The following CACNA2D1 variants were observed in gnomAD, a reference collection of about 807,000 sequenced individuals.
CACNA2D1 encodes voltage-dependent calcium channel subunit alpha-2/delta-1.
CACNA2D1 carries 53 observed loss-of-function variants against 171.5 expected under a neutral mutation model. The ratio of observed to expected loss-of-function variants is 0.31; its 90% CI spans 0.25 to 0.39. The LOEUF (loss-of-function observed/expected upper bound fraction) is 0.39. Among genes scored for constraint, CACNA2D1 ranks in the 10% least tolerant of loss-of-function variants. The probability of loss-of-function intolerance (pLI) is 1.00; values close to 1 mark genes in which losing one functional copy is unlikely to be tolerated. For synonymous variants in CACNA2D1, 442 were observed against 443.1 expected (o/e 1.00, Z 0.03); for missense variants, 903 against 1,299.8 (o/e 0.69, Z 4.69).
intron 7 of CACNA2D1, among the ~76,000 whole-genome samples, chr7:82,083,611 C>T (rs2129009724): frequency 6.6e-6 from 1 of 152,042 alleles, no homozygotes; most frequent in South Asian, 2.1e-4. Context: ...GATAATAATA[C>T]AAATATTTAA....
chr7:82,255,302 G>C (rs987551970), intron 3 of CACNA2D1, among the ~76,000 whole-genome samples: 1 of 152,024 alleles, frequency 6.6e-6, no homozygotes, highest in African/African-American at 2.4e-5. Context: ...TTTTCCCAAT[G>C]TGAGTGCATC....
chr7:82,114,554 C>T (rs554544268), intron 6 of CACNA2D1, among the ~76,000 whole-genome samples: 1 of 151,994 alleles, frequency 6.6e-6, no homozygotes, highest in African/African-American at 2.4e-5. Flanking sequence ...ATCAGCCTGG[C>T]CAACATGGTG....
rs1324664679 is a variant in CACNA2D1 at position 82,140,954 on chromosome 7, T to TAAAAAAAAAAAAAAAAAAA, written c.355-4279_355-4278insTTTTTTTTTTTTTTTTTTT. ...TAGGCGACAGAGCAAGACTCGTCTC[T>TAAAAAAAAAAAAAAAAAAA]AAAAAAAAAAAAAAAGAAAAAAAAA... On this transcript the variant is annotated intron_variant, in intron 4 of 38. Transcript: ENST00000356860. 5.6e-4 allele frequency among the ~76,000 whole-genome samples: 51 copies of TAAAAAAAAAAAAAAAAAAA among 91,718 alleles called. 2 individuals are homozygous for TAAAAAAAAAAAAAAAAAAA. Among genetic ancestry groups the TAAAAAAAAAAAAAAAAAAA allele is most frequent in the African/African-American group, 2.0e-3 (39 of 19,558 alleles). The allele number at this position is 91,718 out of a possible 152,430, so 60.2% of individuals were successfully genotyped here.
chr7:82,127,837 C>A (rs1013548447), intron 5 of CACNA2D1, among the ~76,000 whole-genome samples: 1 of 152,148 alleles, frequency 6.6e-6, no homozygotes, highest in Non-Finnish European at 1.5e-5. Context: ...TCCAGTAAGG[C>A]CATATGTGCC....
intron 1 of CACNA2D1, among the ~76,000 whole-genome samples, chr7:82,406,993 C>A (rs1827130589): frequency 6.6e-6 from 1 of 152,226 alleles, no homozygotes; most frequent in East Asian, 1.9e-4. Context: ...ACTATCATAA[C>A]AATTAATTAC....
At chr7:82,409,822 T>A (rs1827455239) in intron 1 of CACNA2D1, among the ~76,000 whole-genome samples, 1 of 152,178 alleles carries the variant, frequency 6.6e-6, no homozygotes, top group Non-Finnish European at 1.5e-5. Flanking sequence ...GTTAGGCGAT[T>A]TTGTCATTGT....
At chr7:82,309,176 C>T (rs757249701) in intron 3 of CACNA2D1, among the ~76,000 whole-genome samples, 16 of 152,028 alleles carry the variant, frequency 1.1e-4, no homozygotes, top group South Asian at 2.1e-4. Context: ...GAGACCGAGG[C>T]GGGTGGATCA....
At chr7:82,045,051 G>T (rs1365323440) in intron 10 of CACNA2D1, among the ~76,000 whole-genome samples, 1 of 152,012 alleles carries the variant, frequency 6.6e-6, no homozygotes, top group East Asian at 1.9e-4. Flanking sequence ...TGACTTAGCT[G>T]CATTTTTGTA....
chr7:82,399,759 G>C (rs2129451620), intron 1 of CACNA2D1, among the ~76,000 whole-genome samples: 1 of 124,184 alleles, frequency 8.1e-6, no homozygotes, highest in Non-Finnish European at 1.6e-5. Flanking sequence ...TTCCATCCCA[G>C]AAAAAAAACT....
chr7:82,258,567 T>G (rs886170245), intron 3 of CACNA2D1, among the ~76,000 whole-genome samples: 5 of 152,124 alleles, frequency 3.3e-5, no homozygotes, highest in Non-Finnish European at 5.9e-5. Flanking sequence ...ACCAAGAATT[T>G]CCTAGCTTAA....
intron 1 of CACNA2D1, among the ~76,000 whole-genome samples, chr7:82,355,959 C>A (rs1456261842): frequency 6.6e-6 from 1 of 151,958 alleles, no homozygotes; most frequent in East Asian, 1.9e-4. Context: ...TCCCCCCTCC[C>A]CATACTATAA....
At chr7:82,353,409 C>A (rs1191642231) in intron 1 of CACNA2D1, among the ~76,000 whole-genome samples, 1 of 151,858 alleles carries the variant, frequency 6.6e-6, no homozygotes, top group African/African-American at 2.4e-5. Flanking sequence ...TTTATTGGTT[C>A]GATTAGAGGT....
chr7:82,190,862 G>A (rs934949136), intron 3 of CACNA2D1, among the ~76,000 whole-genome samples: 1 of 151,528 alleles, frequency 6.6e-6, no homozygotes, highest in Non-Finnish European at 1.5e-5. Context: ...TTTGAGCCTT[G>A]AAAAGTCAAC....
At chr7:82,250,579 T>C (rs1805515878) in intron 3 of CACNA2D1, among the ~76,000 whole-genome samples, 1 of 152,200 alleles carries the variant, frequency 6.6e-6, no homozygotes, top group South Asian at 2.1e-4. Context: ...AGTAGGAGTC[T>C]AAGCTTCTAT....
At chr7:81,985,398 C>G (rs1193744498) in intron 21 of CACNA2D1, among the ~76,000 whole-genome samples, 1 of 151,852 alleles carries the variant, frequency 6.6e-6, no homozygotes, top group Non-Finnish European at 1.5e-5. Flanking sequence ...ACAGGGTTTA[C>G]ACTATGTTGC....
chr7:82,235,415 C>T (rs75972722), intron 3 of CACNA2D1, among the ~76,000 whole-genome samples: 1 of 152,050 alleles, frequency 6.6e-6, no homozygotes, highest in South Asian at 2.1e-4. Context: ...AATGAACTTT[C>T]CCTGATGGGA....
chr7:82,265,510 A>G (rs751296426), intron 3 of CACNA2D1, among the ~76,000 whole-genome samples: 4 of 143,886 alleles, frequency 2.8e-5, no homozygotes, highest in African/African-American at 1.0e-4. Flanking sequence ...AGAAATCCCC[A>G]CATCCCATTT....
chr7:82,019,252 GGAGATTGCAGTGAACT>G (rs1800887947), intron 12 of CACNA2D1, among the ~76,000 whole-genome samples: 1 of 152,092 alleles, frequency 6.6e-6, no homozygotes, highest in Non-Finnish European at 1.5e-5. Context: ...CCCGGGAGGT[GGAGATTGCAGTGAACT>G]GAGATCACAC....
intron 5 of CACNA2D1, among the ~76,000 whole-genome samples, chr7:82,119,323 A>G (rs1789446336): frequency 6.6e-6 from 1 of 152,192 alleles, no homozygotes; most frequent in South Asian, 2.1e-4. Flanking sequence ...AAACTGACAC[A>G]TGAAATGCAT....
Sources: allele counts gnomAD v4.1 joint callset (sites outside exome capture counted in the v4.1 genomes callset), GRCh38; gene constraint gnomAD v4.1.1; transcripts MANE v1.5; gene names NCBI Gene and HGNC (gene_info 2026-07-23, HGNC 2026-07-21).